Variants in ZNF37A observed in about 807,000 individuals in gnomAD.
ZNF37A encodes zinc finger protein 37a (KOX 21).
ZNF37A carries 10 observed loss-of-function variants against 12.3 expected under a neutral mutation model. The ratio of observed to expected loss-of-function variants is 0.82; its 90% CI spans 0.50 to 1.38. The LOEUF (loss-of-function observed/expected upper bound fraction) is 1.38, where lower values mean the gene tolerates loss of function less well. Ranked by LOEUF, ZNF37A falls within the 40% of genes most tolerant of loss-of-function variation. ZNF37A has a pLI of 0.00. For synonymous variants in ZNF37A, 207 were observed against 223.0 expected (o/e 0.93, Z 0.64); for missense variants, 580 against 651.2 (o/e 0.89, Z 1.19).
chr10:38,113,897 A>C (rs1341953208), intron 5 of ZNF37A, among the ~76,000 whole-genome samples: 1 of 152,228 alleles, frequency 6.6e-6, no homozygotes, highest in East Asian at 1.9e-4. Flanking sequence ...TAAAGGAAGT[A>C]TGCAAGATAA....
rs528830748 is a variant in ZNF37A, at chr10:38,103,904, G to A, written c.15+7272G>A. 5.3e-5 allele frequency among the ~76,000 whole-genome samples: 8 copies of A among 152,276 alleles called. No individual in the cohort carries two copies. In the South Asian group the frequency reaches 1.2e-3, roughly 24 times the overall value. ...GTGCATATTGGCCCTGTTTTAGGGCGCTCCTGTAATGGCTTGCCAGGCCAT... is the reference window on the plus strand; with the variant it reads ...GTGCATATTGGCCCTGTTTTAGGGCACTCCTGTAATGGCTTGCCAGGCCAT... On this transcript the variant is annotated intron_variant, in intron 5 of 7. Transcript: ENST00000685332.
intron 7 of ZNF37A, chr10:38,115,537 A>G: frequency 3.0e-6 from 1 of 336,604 alleles, no homozygotes; most frequent in Non-Finnish European, 5.3e-6. Flanking sequence ...GTTTAGCCAG[A>G]GATTAATAAA....
At chr10:38,131,835 A>G (rs2070032005) in intron 7 of ZNF37A, among the ~76,000 whole-genome samples, 1 of 152,136 alleles carries the variant, frequency 6.6e-6, no homozygotes, top group Non-Finnish European at 1.5e-5. Flanking sequence ...TTTTTAGTAT[A>G]TAAGTTTTTA....
At chr10:38,129,158 C>T (rs1415190608), downstream of ZNF37A, among the ~76,000 whole-genome samples, 2 of 151,522 alleles carry the variant, frequency 1.3e-5, no homozygotes, top group African/African-American at 2.4e-5. Flanking sequence ...TTTTTCCTTC[C>T]CTACATTGCA....
rs2069108088 is a variant in ZNF37A at position 38,114,800 on chromosome 10, G to C, written c.61G>C (p.Glu21Gln). The C allele has an allele frequency of 6.2e-7, 1 of 1,613,942 alleles. No homozygotes were observed. Among genetic ancestry groups the C allele is most frequent in the Admixed American group, 1.7e-5 (1 of 59,966 alleles). ...RDVTVGFTQE[E>Q]WQHLDPAQRT... The stretch of plus-strand genomic sequence containing the variant: ...TGTGACTGTGGGCTTCACTCAAGAG[G>C]AGTGGCAGCATCTGGACCCTGCTCA... Residue 21 changes from glutamate (E) to glutamine (Q), a missense_variant, in exon 6 of 8, where the codon GAG becomes CAG. By Grantham distance (29) the Glu-to-Gln change is conservative (BLOSUM62 2). Coordinates refer to ENST00000685332, the MANE Select transcript of ZNF37A (RefSeq NM_001324250.3).
At chr10:38,146,226 G>A (rs1457160506) in intron 7 of ZNF37A, among the ~76,000 whole-genome samples, 1 of 152,242 alleles carries the variant, frequency 6.6e-6, no homozygotes, top group African/African-American at 2.4e-5. Flanking sequence ...ATTTCCCTGC[G>A]ACTTAACAAC....
chr10:38,096,033 A>G (rs1369941058), intron 4 of ZNF37A, among the ~76,000 whole-genome samples: 1 of 152,092 alleles, frequency 6.6e-6, no homozygotes, highest in Non-Finnish European at 1.5e-5. Context: ...AAAAATGCAA[A>G]AAATTAGCCG....
intron 5 of ZNF37A, among the ~76,000 whole-genome samples, chr10:38,109,782 C>T (rs2135956762): frequency 6.6e-6 from 1 of 152,280 alleles, no homozygotes; most frequent in Non-Finnish European, 1.5e-5. Context: ...ATACAAGTTA[C>T]ACGGGATGCG....
chr10:38,102,837 A>T (rs530246659), intron 5 of ZNF37A, among the ~76,000 whole-genome samples: 37 of 150,048 alleles, frequency 2.5e-4, no homozygotes, highest in Admixed American at 2.1e-3. Context: ...AATTTTTGTT[A>T]TTTTTTTTTC....
At chr10:38,115,112 TGTGTA>T in intron 6 of ZNF37A, 78 bp from the exon 7 acceptor site, 7 of 1,030,332 alleles carry the variant, frequency 6.8e-6, no homozygotes, top group South Asian at 1.5e-5. Context: ...TGTGTGTGTG[TGTGTA>T]CTGTTTGGGG....
At chr10:38,100,580 G>A (rs1249430940) in intron 5 of ZNF37A, among the ~76,000 whole-genome samples, 1 of 152,160 alleles carries the variant, frequency 6.6e-6, no homozygotes, top group African/African-American at 2.4e-5. Context: ...TGTTCCGCTT[G>A]GCTCACTGGC....
intron 7 of ZNF37A, among the ~76,000 whole-genome samples, chr10:38,130,642 T>G (rs1165636026): frequency 2.0e-5 from 3 of 152,020 alleles, no homozygotes; most frequent in Admixed American, 2.0e-4. Flanking sequence ...TGCATTTTTT[T>G]TTTTCGAAGT....
chr10:38,096,545 A>G (rs985607784), intron 4 of ZNF37A, 29 bp from the exon 5 acceptor site: 4 of 1,528,706 alleles, frequency 2.6e-6, no homozygotes, highest in Non-Finnish European at 2.7e-6. Flanking sequence ...GGCAAGTGAC[A>G]TCACTCATGA....
rs565288686 is a variant in ZNF37A, at chr10:38,124,420, A to G, written c.*5583A>G. On this transcript the variant is annotated 3_prime_UTR_variant, in exon 8 of 8. Coordinates refer to ENST00000685332, the MANE Select transcript of ZNF37A (RefSeq NM_001324250.3). ...GTATTTGATAGCACAAGGTTACTAC[A>G]GTCAATAATAATTGTGCATTTTAAA... 3.9e-5 allele frequency: 6 copies of G among 152,330 alleles called. No individual in the cohort carries two copies. In the South Asian group the frequency reaches 1.2e-3, roughly 32 times the overall value. The allele number at this position is 152,330 out of a possible 1,614,324, so 9.4% of individuals were successfully genotyped here.
chr10:38,094,870 C>A (rs1414032384), intron 1 of ZNF37A, 61 bp from the exon 2 acceptor site: 2 of 152,284 alleles, frequency 1.3e-5, no homozygotes, highest in Non-Finnish European at 2.9e-5. Flanking sequence ...AGGGACCCTG[C>A]AGGCGCGGAC....
chr10:38,108,944 A>G (rs887964863), intron 5 of ZNF37A, among the ~76,000 whole-genome samples: 7 of 152,242 alleles, frequency 4.6e-5, no homozygotes, highest in Non-Finnish European at 1.0e-4. Context: ...AAGTATTCCA[A>G]GCAACAGAAA....
intron 5 of ZNF37A, among the ~76,000 whole-genome samples, chr10:38,105,811 T>C (rs2135928308): frequency 6.6e-6 from 1 of 152,360 alleles, no homozygotes; most frequent in East Asian, 1.9e-4. Context: ...ATTGTTGGAG[T>C]ATTTTTTTTA....
chr10:38,131,591 C>A (rs964584593), intron 7 of ZNF37A, among the ~76,000 whole-genome samples: 1 of 152,128 alleles, frequency 6.6e-6, no homozygotes, highest in Non-Finnish European at 1.5e-5. Context: ...GTTTCAAAGT[C>A]AGGAAGTAGG....
At position 38,123,432 on chromosome 10, in the gene ZNF37A, C is replaced by T. The variant is rs138094934; in HGVS notation, c.*4595C>T. On this transcript the variant is annotated 3_prime_UTR_variant, in exon 8 of 8. Coordinates refer to ENST00000685332, the MANE Select transcript of ZNF37A (RefSeq NM_001324250.3). Reference sequence around the variant, plus strand: ...TAACACTGGAAAAAGTTTTCCAAAACGTATATGGCAGAAATATGGGCCTTG... The same window carrying T: ...TAACACTGGAAAAAGTTTTCCAAAATGTATATGGCAGAAATATGGGCCTTG... The T allele has an allele frequency of 1.2e-4, 18 of 152,012 alleles. No homozygotes were observed. The highest frequency in any genetic ancestry group is 2.4e-4 in the Non-Finnish European group (16 of 67,990). The allele number at this position is 152,012 out of a possible 1,614,324, so 9.4% of individuals were successfully genotyped here.
Sources: allele counts gnomAD v4.1 joint callset (sites outside exome capture counted in the v4.1 genomes callset), GRCh38; gene constraint gnomAD v4.1.1; transcripts MANE v1.5; gene names NCBI Gene and HGNC (gene_info 2026-07-23, HGNC 2026-07-21).